The following IGSF22 variants were observed in gnomAD, a reference collection of about 807,000 sequenced individuals.
IGSF22 encodes the protein immunoglobulin superfamily, member 22.
Under a neutral mutation model 127.0 loss-of-function variants are expected in IGSF22, and 119 were observed. The observed-to-expected ratio is 0.94, with a 90% confidence interval of 0.81 to 1.09. IGSF22 has a LOEUF of 1.09. Ranked by LOEUF, IGSF22 falls within the 50% of genes least tolerant of loss-of-function variation. The pLI is 0.00. For missense variants in IGSF22, 1,518 were observed against 1,716.6 expected (o/e 0.88, Z 2.04); for synonymous variants, 568 against 664.7 (o/e 0.85, Z 2.24).
At chr11:18,712,619 G>A (rs574068075) in intron 14 of IGSF22, among the ~76,000 whole-genome samples, 25 of 152,274 alleles carry the variant, frequency 1.6e-4, no homozygotes, top group African/African-American at 5.5e-4. Context: ...GACCTTAGGG[G>A]CCCCTGCCCT....
rs761045737 is a variant in IGSF22 at position 18,708,238 on chromosome 11, C to G, written c.3056G>C (p.Gly1019Ala). ...GGCTGCATGGATGCAGAGGGCTGTC[C>G]CAGCGCGAACCACCATGTGACTCTT... ...RLKSHMVVRA[G>A]TALCIHAAFS... Residue 1019 changes from glycine (G) to alanine (A), a missense_variant, in exon 19 of 23, where the codon GGG becomes GCG. Transcript: ENST00000513874. The G allele has an allele frequency of 6.5e-7, 1 of 1,548,444 alleles. No homozygotes were observed. Among genetic ancestry groups the G allele is most frequent in the South Asian group, 1.2e-5 (1 of 83,278 alleles).
intron 1 of IGSF22, among the ~76,000 whole-genome samples, chr11:18,725,463 C>CA (rs1360089621): frequency 6.6e-6 from 1 of 151,552 alleles, no homozygotes; most frequent in Non-Finnish European, 1.5e-5. Context: ...TTTTTTGAGA[C>CA]AGAGTCTTGC....
chr11:18,724,050 C>A lies in IGSF22; in HGVS notation c.109+78G>T, dbSNP rs1042781228. The A allele has an allele frequency of 6.9e-5, 83 of 1,201,780 alleles. No homozygotes were observed. In the Admixed American group the frequency reaches 1.5e-3, roughly 21 times the overall value. The allele number at this position is 1,201,780 out of a possible 1,614,324, so 74.4% of individuals were successfully genotyped here. The stretch of plus-strand genomic sequence containing the variant: ...CCAGAGGGGCCCATTAGTGGCAAAA[C>A]TGGGGCCACCCAAGGGATGGGTGTG... On this transcript the variant is annotated intron_variant, in intron 2 of 22. Coordinates refer to ENST00000513874, the MANE Select transcript of IGSF22 (RefSeq NM_173588.4).
At chr11:18,721,835 G>C in intron 3 of IGSF22, 75 bp downstream of exon 3, 1 of 1,597,890 alleles carries the variant, frequency 6.3e-7, no homozygotes, top group Non-Finnish European at 8.5e-7. Flanking sequence ...AGGTCGTTGG[G>C]GTAGGACGGA....
intron 22 of IGSF22, 101 bp downstream of exon 22, chr11:18,705,716 G>A (rs1590432199): frequency 9.8e-7 from 1 of 1,020,576 alleles, no homozygotes; most frequent in East Asian, 2.6e-5. Flanking sequence ...TTGGCAGTCA[G>A]ATTAAAAAAC....
In IGSF22 at chr11:18,717,949, C is replaced by T; in HGVS notation, c.955G>A (p.Ala319Thr). 1 of 1,614,120 alleles carries T rather than the reference C, an allele frequency of 6.2e-7. No individual in the cohort carries two copies. Among genetic ancestry groups the T allele is most frequent in the South Asian group, 1.1e-5 (1 of 91,064 alleles). ...CTCATACCCAGCACTGTGAGCTCTG[C>T]ACTCATCCGCTTATCGCCCACGGAC... Reference protein sequence around the residue: ...SLSVGDKRMSAELTVLDEPLK... With the variant: ...SLSVGDKRMSTELTVLDEPLK... The change falls in exon 9 of 23, where the codon GCA (alanine) becomes ACA (threonine). Residue 319 changes from alanine to threonine, a missense_variant. Coordinates refer to ENST00000513874, the MANE Select transcript of IGSF22 (RefSeq NM_173588.4).
intron 21 of IGSF22, chr11:18,706,417 G>A (rs1590433559): frequency 1.4e-5 from 7 of 507,928 alleles, no homozygotes; most frequent in East Asian, 3.3e-5. Context: ...TGTCATTCCA[G>A]CGCCAGCTTC....
chr11:18,718,429 T>G (rs1391576322), intron 8 of IGSF22, among the ~76,000 whole-genome samples, 186 bp downstream of exon 8: 1 of 152,188 alleles, frequency 6.6e-6, no homozygotes, highest in Non-Finnish European at 1.5e-5. Flanking sequence ...GGAATGTGAC[T>G]CTCTTACATC....
chr11:18,709,795 A>G lies in IGSF22; in HGVS notation c.2702-112T>C. The G allele has an allele frequency of 9.2e-7, 1 of 1,086,950 alleles. No homozygotes were observed. Among genetic ancestry groups the G allele is most frequent in the African/African-American group, 1.6e-5 (1 of 63,726 alleles). The allele number at this position is 1,086,950 out of a possible 1,614,324, so 67.3% of individuals were successfully genotyped here. A position where few individuals can be genotyped will look rare whatever the true frequency, so the allele number is the denominator to read the frequency against. ...CCCATCCTTCACTACTTCTAGCTCC[A>G]GATCCCTCAGTTAACACCCTTAGTA... On this transcript the variant is annotated intron_variant, in intron 17 of 22. Transcript: ENST00000513874. This position sits in a 1 kb window ranked among gnomAD's most constrained non-coding sequence, Gnocchi z 4.8.
At chr11:18,706,276 G>A (rs578012962) in intron 21 of IGSF22, 130 bp from the exon 22 acceptor site, 1 of 891,920 alleles carries the variant, frequency 1.1e-6, no homozygotes. Context: ...AACTCTGGGG[G>A]CCCAATGTTA....
chr11:18,708,146 C>A, intron 19 of IGSF22, 61 bp downstream of exon 19: 1 of 1,530,976 alleles, frequency 6.5e-7, no homozygotes, highest in Non-Finnish European at 8.9e-7. Flanking sequence ...ACTGTGATGG[C>A]TACAATAGCC....
In IGSF22 at chr11:18,710,409, T is replaced by G. The variant is rs376397972; in HGVS notation, c.2619A>C (p.Glu873Asp). The change falls in exon 17 of 23, where the codon GAA becomes GAC. Residue 873 changes from glutamate (E) to aspartate (D), a missense_variant. Physicochemically the swap from Glu to Asp is conservative, Grantham distance 45. Transcript: ENST00000513874. ...VDGLLEDTEY[E>D]FRVIAVNKAG... ...CCTTATTTACAGCTATAACTCGGAA[T>G]TCATATTCTGTGTCCTCCAGGAGAC... 1.7e-5 allele frequency: 27 copies of G among 1,614,098 alleles called. No individual in the cohort carries two copies. The highest frequency in any genetic ancestry group is 2.2e-5 in the Non-Finnish European group (26 of 1,180,048).
At position 18,721,982 on chromosome 11, in the gene IGSF22, T is replaced by C. The variant is rs115954314; in HGVS notation, c.169A>G (p.Ser57Gly). The C allele has an allele frequency of 1.4e-3, 2,264 of 1,614,026 alleles. 32 individuals carry two copies. In the African/African-American group the frequency reaches 0.025, roughly 18 times the overall value. The change falls in exon 3 of 23, where the codon AGC becomes GGC. Residue 57 changes from serine (S) to glycine (G), a missense_variant. Physicochemically the swap from Ser to Gly is moderately conservative, Grantham distance 56. Coordinates refer to ENST00000513874, the MANE Select transcript of IGSF22 (RefSeq NM_173588.4). The part of the protein sequence containing the change: ...IVEFFSLVTR[S>G]SNIPAGDSVP... The stretch of plus-strand genomic sequence containing the variant: ...CTGTCGCCCGCAGGGATGTTTGAGC[T>C]CCGGGTCACTAAGCTGAAGAACTCC...
Position 18,724,931 on chromosome 11 carries a change from GTAGCC to G in IGSF22, c.-33-667_-33-663del, listed in dbSNP as rs369510526. 1.1e-4 allele frequency among the ~76,000 whole-genome samples: 17 copies of G among 151,802 alleles called. 1 individual carries two copies. Among genetic ancestry groups the G allele is most frequent in the African/African-American group, 4.1e-4 (17 of 41,408 alleles). ...CTTACAACCTTCCCCATTGCAACAG[GTAGCC>G]AGTCTCTAGGCTCCTTCTAGACCTC... On this transcript the variant is annotated intron_variant, in intron 1 of 22. Coordinates refer to ENST00000513874, the MANE Select transcript of IGSF22 (RefSeq NM_173588.4).
At chr11:18,705,757 A>C in intron 22 of IGSF22, 60 bp downstream of exon 22, 2 of 1,439,054 alleles carry the variant, frequency 1.4e-6, no homozygotes, top group Non-Finnish European at 1.9e-6. Context: ...CCAATGGCCC[A>C]CAAGACCAGC....
At chr11:18,725,600 C>T (rs145540982) in intron 1 of IGSF22, among the ~76,000 whole-genome samples, 3,163 of 152,186 alleles carry the variant, frequency 0.021, 53 homozygotes, top group Non-Finnish European at 0.035. Flanking sequence ...GCCATCACAC[C>T]CGGCTAATTT....
rs1848234779 is a variant in IGSF22, at chr11:18,706,427, C to T, written c.3581-281G>A. 1.8e-5 allele frequency: 9 copies of T among 506,726 alleles called. No individual in the cohort carries two copies. The South Asian group carries it at 2.5e-4, about 14-fold the overall frequency. 31.4% of individuals were successfully genotyped at this position (506,726 alleles called of 1,614,324 possible). A position where few individuals can be genotyped will look rare whatever the true frequency, so the allele number is the denominator to read the frequency against. On this transcript the variant is annotated intron_variant, in intron 21 of 22. Transcript: ENST00000513874. The stretch of plus-strand genomic sequence containing the variant: ...CGAGATGTCATTCCAGCGCCAGCTT[C>T]CTGGACCCGGTTATTCCCAGCCTTT...
Position 18,709,296 on chromosome 11 carries a change from C to T in IGSF22, c.2998+91G>A. 7.4e-7 allele frequency: 1 copy of T among 1,353,930 alleles called. No homozygotes were observed. Among genetic ancestry groups the T allele is most frequent in the South Asian group, 1.3e-5 (1 of 75,478 alleles). The allele number at this position is 1,353,930 out of a possible 1,614,324, so 83.9% of individuals were successfully genotyped here. ...GATGACTTTTTCATGATCCTAGCATCATCCAATTTTCCTGTGGGATGAGGC... is the reference window on the plus strand; with the variant it reads ...GATGACTTTTTCATGATCCTAGCATTATCCAATTTTCCTGTGGGATGAGGC... On this transcript the variant is annotated intron_variant, in intron 18 of 22. Transcript: ENST00000513874. This position sits in a 1 kb window ranked among gnomAD's most constrained non-coding sequence, Gnocchi z 4.8.
At chr11:18,707,740 G>A in intron 20 of IGSF22, 64 bp downstream of exon 20, 1 of 1,393,970 alleles carries the variant, frequency 7.2e-7, no homozygotes, top group Non-Finnish European at 9.8e-7. Flanking sequence ...AAGCGGCACT[G>A]GGGAGCTGTG....
Sources: allele counts gnomAD v4.1 joint callset (sites outside exome capture counted in the v4.1 genomes callset), GRCh38; gene constraint gnomAD v4.1.1; non-coding constraint Gnocchi (gnomAD v3.1); transcripts MANE v1.5; gene names NCBI Gene and HGNC (gene_info 2026-07-23, HGNC 2026-07-21).